Variants in AGMO observed in about 807,000 individuals in gnomAD.
AGMO encodes glyceryl-ether monooxygenase.
In AGMO, 75 loss-of-function variants were observed where a neutral mutation model predicts 60.2. The ratio of observed to expected loss-of-function variants is 1.25; its 90% CI spans 1.03 to 1.51. The LOEUF (loss-of-function observed/expected upper bound fraction) is 1.51, where lower values mean the gene tolerates loss of function less well. AGMO is among the 40% of genes most tolerant of loss of function. The pLI, the probability that AGMO is intolerant of heterozygous loss-of-function variation, is 0.00. For missense variants in AGMO, 763 were observed against 525.5 expected (o/e 1.45, Z -4.42); for synonymous variants, 261 against 177.1 (o/e 1.47, Z -3.76).
At chr7:15,504,303 T>C (rs1783456144) in intron 3 of AGMO, among the ~76,000 whole-genome samples, 2 of 151,930 alleles carry the variant, frequency 1.3e-5, no homozygotes, top group South Asian at 4.1e-4. Flanking sequence ...AAGATAAATG[T>C]GAGGAGGGAA....
At chr7:15,419,667 G>C (rs568882968) in intron 4 of AGMO, among the ~76,000 whole-genome samples, 2 of 133,370 alleles carry the variant, frequency 1.5e-5, no homozygotes, top group Admixed American at 7.6e-5. Flanking sequence ...GTCATCATAA[G>C]TAGAATGTTT....
intron 3 of AGMO, among the ~76,000 whole-genome samples, chr7:15,479,681 C>G (rs113328701): frequency 3.9e-5 from 6 of 152,230 alleles, no homozygotes; most frequent in African/African-American, 1.2e-4. Flanking sequence ...TGTTTTCTCA[C>G]ACATCATGCT....
At chr7:15,444,833 T>C (rs1015985231) in intron 3 of AGMO, among the ~76,000 whole-genome samples, 1 of 152,190 alleles carries the variant, frequency 6.6e-6, no homozygotes. Context: ...GATTTCCTTT[T>C]GGAAATTATA....
intron 3 of AGMO, among the ~76,000 whole-genome samples, chr7:15,511,524 A>C (rs1198471084): frequency 1.3e-5 from 2 of 152,112 alleles, no homozygotes; most frequent in East Asian, 3.9e-4. Flanking sequence ...AAAGGGCACA[A>C]ACTTGGACTT....
intron 3 of AGMO, among the ~76,000 whole-genome samples, chr7:15,521,053 G>T (rs985863483): frequency 6.6e-6 from 1 of 152,088 alleles, no homozygotes; most frequent in African/African-American, 2.4e-5. Context: ...TACCATCAAA[G>T]AATACTACAA....
At chr7:15,505,011 C>T (rs1212950304) in intron 3 of AGMO, among the ~76,000 whole-genome samples, 2 of 151,846 alleles carry the variant, frequency 1.3e-5, no homozygotes, top group East Asian at 3.9e-4. Context: ...TTCTTGTGTG[C>T]TCCAGGTCTT....
rs114724736 is a variant in AGMO, at chr7:15,250,382, C to T, written c.1264-49023G>A. ...AAGGCACAACAGTAAAGTAGCAAAACGTGTGTAATTACTAAGATGAATAAT... is the reference window on the plus strand; with the variant it reads ...AAGGCACAACAGTAAAGTAGCAAAATGTGTGTAATTACTAAGATGAATAAT... On this transcript the variant is annotated intron_variant, in intron 12 of 12. Transcript: ENST00000342526. 5.0e-3 allele frequency among the ~76,000 whole-genome samples: 766 copies of T among 152,162 alleles called. 8 individuals carry two copies. The highest frequency in any genetic ancestry group is 0.018 in the African/African-American group (738 of 41,498).
chr7:15,428,538 A>G (rs1014570570), intron 4 of AGMO, among the ~76,000 whole-genome samples: 1 of 152,184 alleles, frequency 6.6e-6, no homozygotes, highest in Non-Finnish European at 1.5e-5. Flanking sequence ...GACTTAATAA[A>G]GAAAAGGACA....
chr7:15,391,766 T>A (rs904151372), intron 6 of AGMO, among the ~76,000 whole-genome samples: 3 of 152,104 alleles, frequency 2.0e-5, no homozygotes, highest in African/African-American at 7.2e-5. Flanking sequence ...TCTGAATTAG[T>A]AGGGAAGCAT....
At chr7:15,482,633 T>C (rs1265419921) in intron 3 of AGMO, among the ~76,000 whole-genome samples, 1 of 152,152 alleles carries the variant, frequency 6.6e-6, no homozygotes, top group Non-Finnish European at 1.5e-5. Flanking sequence ...ACACTTGTCA[T>C]CTCTGTGCTG....
chr7:15,293,432 G>A (rs1025786868), intron 12 of AGMO, among the ~76,000 whole-genome samples: 4 of 152,170 alleles, frequency 2.6e-5, no homozygotes, highest in Non-Finnish European at 5.9e-5. Flanking sequence ...AGGGGGATAA[G>A]AGTGAGAGAA....
intron 3 of AGMO, among the ~76,000 whole-genome samples, chr7:15,496,486 T>C (rs762336364): frequency 1.3e-5 from 2 of 152,130 alleles, no homozygotes; most frequent in Non-Finnish European, 2.9e-5. Context: ...ATGTAACATA[T>C]TGTGTGTCTT....
intron 12 of AGMO, among the ~76,000 whole-genome samples, chr7:15,241,460 A>AAT (rs1491424485): frequency 2.4e-5 from 1 of 42,174 alleles, no homozygotes; most frequent in Non-Finnish European, 4.9e-5. Flanking sequence ...ACTCCGTCTC[A>AAT]AAAAAAAAAA....
the AGMO span, among the ~76,000 whole-genome samples, chr7:15,172,145 T>A: frequency 6.6e-6 from 1 of 152,186 alleles, no homozygotes; most frequent in Non-Finnish European, 1.5e-5. Context: ...TTGTTTGTAG[T>A]TAGTCTTCAT....
the AGMO span, among the ~76,000 whole-genome samples, chr7:15,147,466 C>G: frequency 2.8e-4 from 43 of 152,164 alleles, no homozygotes; most frequent in African/African-American, 9.4e-4. Context: ...TCTTGTGAGA[C>G]TTATTCACTA....
chr7:15,291,053 T>C (rs1784250296), intron 12 of AGMO, among the ~76,000 whole-genome samples: 1 of 152,184 alleles, frequency 6.6e-6, no homozygotes, highest in Admixed American at 6.5e-5. Flanking sequence ...ACAAATTTTC[T>C]GGGTGGCAGT....
chr7:15,163,959 A>AT, the AGMO span, among the ~76,000 whole-genome samples: 3 of 151,944 alleles, frequency 2.0e-5, no homozygotes, highest in African/African-American at 7.2e-5. Flanking sequence ...GGTTGTAGGC[A>AT]TTTTTTGTTA....
At chr7:15,498,217 T>C (rs1331568778) in intron 3 of AGMO, among the ~76,000 whole-genome samples, 2 of 152,052 alleles carry the variant, frequency 1.3e-5, no homozygotes, top group Non-Finnish European at 2.9e-5. Context: ...TTACAATTAC[T>C]TGGCACACAA....
At chr7:15,199,767 C>T (rs1022743098), downstream of AGMO, among the ~76,000 whole-genome samples, 2 of 152,104 alleles carry the variant, frequency 1.3e-5, no homozygotes, top group African/African-American at 2.4e-5. Context: ...TATAGGCTTA[C>T]GTATTGTCTA....
Sources: allele counts gnomAD v4.1 joint callset (sites outside exome capture counted in the v4.1 genomes callset), GRCh38; gene constraint gnomAD v4.1.1; transcripts MANE v1.5; gene names NCBI Gene and HGNC (gene_info 2026-07-23, HGNC 2026-07-21).